Variants in WDFY3 observed in about 807,000 individuals in gnomAD.
The protein encoded by WDFY3 is WD repeat and FYVE domain-containing protein 3.
WDFY3 carries 66 observed loss-of-function variants against 409.6 expected under a neutral mutation model. The ratio of observed to expected loss-of-function variants is 0.16; its 90% confidence interval spans 0.13 to 0.20. The LOEUF is 0.20. Ranked by LOEUF, WDFY3 falls within the 10% of genes least tolerant of loss-of-function variation. WDFY3 has a pLI of 1.00. For missense variants in WDFY3, 3,031 were observed against 4,298.1 expected (o/e 0.71, Z 8.24); for synonymous variants, 1,521 against 1,537.1 (o/e 0.99, Z 0.25).
At chr4:84,708,533 G>C (rs914896600) in intron 53 of WDFY3, among the ~76,000 whole-genome samples, 10 of 144,418 alleles carry the variant, frequency 6.9e-5, no homozygotes, top group Non-Finnish European at 1.2e-4. Context: ...GGCAACCGTA[G>C]TTTTTTTTTT....
chr4:84,813,820 G>A (rs76920329), intron 13 of WDFY3, among the ~76,000 whole-genome samples: 20,310 of 152,130 alleles, frequency 0.13, 1,917 homozygotes, highest in African/African-American at 0.26. Context: ...AGCCATCTAT[G>A]TTCTCCCAAC....
intron 22 of WDFY3, among the ~76,000 whole-genome samples, chr4:84,789,477 C>T (rs1748106447): frequency 6.6e-6 from 1 of 152,166 alleles, no homozygotes; most frequent in South Asian, 2.1e-4. Context: ...TAAGCTCTTG[C>T]ATATTCAGCA....
In WDFY3 at chr4:84,671,360, T is replaced by G. The variant is rs552152773; in HGVS notation, c.*1508A>C. On this transcript the variant is annotated 3_prime_UTR_variant, in exon 68 of 68. Coordinates refer to ENST00000295888, the MANE Select transcript of WDFY3 (RefSeq NM_014991.6). ...CTTTCCTTTCGCACCTGTGAAGGTG[T>G]GAAGGCCTATCTTGGGCCATTAATG... is the stretch of plus-strand genomic sequence containing the variant. 8 of 152,698 alleles carry G rather than the reference T, an allele frequency of 5.2e-5. No homozygotes were observed. Among genetic ancestry groups the G allele is most frequent in the Middle Eastern group, 3.4e-3 (1 of 294 alleles). 9.5% of individuals were successfully genotyped at this position (152,698 alleles called of 1,614,324 possible). A position where few individuals can be genotyped will look rare whatever the true frequency, so the allele number is the denominator to read the frequency against.
intron 3 of WDFY3, among the ~76,000 whole-genome samples, chr4:84,878,514 A>C (rs1214501850): frequency 6.6e-6 from 1 of 152,246 alleles, no homozygotes; most frequent in Non-Finnish European, 1.5e-5. Context: ...ACTATTGATT[A>C]ATTAGAATGA....
At chr4:84,870,181 T>C (rs1761957593) in intron 3 of WDFY3, among the ~76,000 whole-genome samples, 1 of 152,184 alleles carries the variant, frequency 6.6e-6, no homozygotes, top group Non-Finnish European at 1.5e-5. Context: ...GAACATGTAC[T>C]AATATGAAAA....
intron 4 of WDFY3, among the ~76,000 whole-genome samples, chr4:84,851,719 T>A (rs796178285): frequency 2.6e-5 from 4 of 152,170 alleles, no homozygotes; most frequent in African/African-American, 7.2e-5. Flanking sequence ...CATGAAAAAA[T>A]ATATATATTT....
At chr4:84,696,214 C>T in intron 57 of WDFY3, 32 bp from the exon 58 acceptor site, 1 of 1,602,858 alleles carries the variant, frequency 6.2e-7, no homozygotes, top group Non-Finnish European at 8.5e-7. Context: ...TAGTCACTGG[C>T]TGACTTCTAT....
chr4:84,737,108 G>A, intron 41 of WDFY3, 76 bp downstream of exon 41: 1 of 1,480,212 alleles, frequency 6.8e-7, no homozygotes, highest in Non-Finnish European at 9.3e-7. Context: ...GAATGCTGTA[G>A]TCACATATTT....
intron 1 of WDFY3, among the ~76,000 whole-genome samples, chr4:84,962,866 G>T (rs1775086958): frequency 2.0e-5 from 3 of 151,734 alleles, no homozygotes; most frequent in Admixed American, 2.0e-4. Context: ...TAGACACGGG[G>T]ATTCACCATA....
chr4:84,871,712 G>A (rs547622759), intron 3 of WDFY3, among the ~76,000 whole-genome samples: 11 of 151,832 alleles, frequency 7.2e-5, no homozygotes, highest in African/African-American at 2.7e-4. Flanking sequence ...CCAGCCCACT[G>A]CAGCCTCAAA....
chr4:84,860,768 A>G (rs1760496120), intron 3 of WDFY3, 146 bp from the exon 4 acceptor site: 1 of 783,296 alleles, frequency 1.3e-6, no homozygotes, highest in South Asian at 5.2e-5. Context: ...GAAAAGACAG[A>G]GAAGCAAAAT....
Position 84,765,833 on chromosome 4 carries a change from G to T in WDFY3, c.5165C>A (p.Thr1722Asn). ...GWLEQTDSVL[T>N]NKIGTVLGFN... ...ACCTAATACAGTTCCAATCTTATTA[G>T]TTAAGACAGAATCTGTCTGTTCAAG... is the stretch of plus-strand genomic sequence containing the variant. The change falls in exon 32 of 68, where the codon ACT becomes AAT. Residue 1722 changes from threonine to asparagine, a missense_variant. By Grantham distance (65) the Thr-to-Asn change is moderately conservative. Coordinates refer to ENST00000295888, the MANE Select transcript of WDFY3 (RefSeq NM_014991.6). The T allele has an allele frequency of 6.2e-7, 1 of 1,613,844 alleles. No homozygotes were observed. The highest frequency in any genetic ancestry group is 8.5e-7 in the Non-Finnish European group (1 of 1,179,892).
intron 1 of WDFY3, among the ~76,000 whole-genome samples, chr4:84,948,330 A>C (rs1233792497): frequency 6.6e-6 from 1 of 152,170 alleles, no homozygotes; most frequent in East Asian, 1.9e-4. Flanking sequence ...TTAAGACGTT[A>C]GTATGAGGCA....
chr4:84,947,541 T>A (rs888191583), intron 1 of WDFY3, among the ~76,000 whole-genome samples: 17 of 137,578 alleles, frequency 1.2e-4, no homozygotes, highest in Middle Eastern at 3.8e-3. Context: ...ATAATAATAA[T>A]AAAAATAATA....
intron 67 of WDFY3, among the ~76,000 whole-genome samples, chr4:84,674,228 A>G (rs1487352466): frequency 1.3e-5 from 2 of 152,188 alleles, no homozygotes; most frequent in Non-Finnish European, 2.9e-5. Context: ...TAAACACTAC[A>G]AAGAACAGAT....
At chr4:84,762,007 T>C (rs1394728114) in intron 32 of WDFY3, among the ~76,000 whole-genome samples, 1 of 152,148 alleles carries the variant, frequency 6.6e-6, no homozygotes, top group Non-Finnish European at 1.5e-5. Flanking sequence ...ACTTTTACAC[T>C]GTTGGTGGGA....
chr4:84,901,098 G>A (rs1219776326), intron 2 of WDFY3, among the ~76,000 whole-genome samples: 1 of 152,146 alleles, frequency 6.6e-6, no homozygotes, highest in Non-Finnish European at 1.5e-5. Flanking sequence ...GAAGGCGAAA[G>A]GGCAAGAAAC....
At chr4:84,929,922 A>G (rs1770534712) in intron 2 of WDFY3, among the ~76,000 whole-genome samples, 1 of 152,068 alleles carries the variant, frequency 6.6e-6, no homozygotes, top group Non-Finnish European at 1.5e-5. Context: ...AAAAAAAAAA[A>G]AATCTAGACA....
chr4:84,761,505 A>G (rs940752160), intron 32 of WDFY3, among the ~76,000 whole-genome samples: 4 of 152,148 alleles, frequency 2.6e-5, no homozygotes, highest in African/African-American at 4.8e-5. Flanking sequence ...TTGGGTGCAT[A>G]TATATTTAGG....
Sources: gnomAD v4.1 joint callset for allele counts (sites outside exome capture counted in the v4.1 genomes callset) on GRCh38, gnomAD v4.1.1 for gene constraint, MANE v1.5 for transcripts, NCBI Gene and HGNC (gene_info 2026-07-23, HGNC 2026-07-21) for gene names.